CDC14B: variants seen among roughly 807,000 people sequenced by gnomAD.
The protein encoded by CDC14B is dual specificity protein phosphatase CDC14B.
CDC14B carries 22 observed loss-of-function variants against 64.2 expected under a neutral mutation model. The observed-to-expected ratio is 0.34, with a 90% CI of 0.24 to 0.49. The LOEUF (loss-of-function observed/expected upper bound fraction) is 0.49, where lower values mean the gene tolerates loss of function less well. CDC14B is among the 20% of genes least tolerant of loss of function. The pLI, the probability that CDC14B is intolerant of heterozygous loss-of-function variation, is 0.99. For missense variants in CDC14B, 498 were observed against 629.9 expected (o/e 0.79, Z 2.24); for synonymous variants, 191 against 215.8 (o/e 0.89, Z 1.01).
chr9:96,496,179 A>G (rs1833229573), downstream of CDC14B: 1 of 422,506 alleles, frequency 2.4e-6, no homozygotes, highest in Non-Finnish European at 4.8e-6. Flanking sequence ...ATGGCTCAAT[A>G]CCCAGTGGAA....
At chr9:96,506,099 T>C (rs1462148370) in intron 13 of CDC14B, among the ~76,000 whole-genome samples, 3 of 152,328 alleles carry the variant, frequency 2.0e-5, no homozygotes, top group East Asian at 1.9e-4. Context: ...CAAGTTCCCA[T>C]GTGCCGCAGA....
chr9:96,596,094 T>C (rs1846054138), intron 1 of CDC14B, among the ~76,000 whole-genome samples: 1 of 152,176 alleles, frequency 6.6e-6, no homozygotes, highest in Non-Finnish European at 1.5e-5. Context: ...CTGGGCATGA[T>C]GGCTCATACC....
downstream of CDC14B, among the ~76,000 whole-genome samples, chr9:96,498,973 G>T (rs1833365249): frequency 6.6e-6 from 1 of 152,214 alleles, no homozygotes; most frequent in African/African-American, 2.4e-5. Context: ...CCCCCCAGGA[G>T]GAACAGACAT....
chr9:96,524,886 A>G (rs1047473130), intron 9 of CDC14B, among the ~76,000 whole-genome samples: 1 of 152,174 alleles, frequency 6.6e-6, no homozygotes, highest in Non-Finnish European at 1.5e-5. Context: ...TTTCTGGAGA[A>G]CCCTAAATAC....
intron 1 of CDC14B, 92 bp from the exon 2 acceptor site, chr9:96,565,575 T>G (rs1564352407): frequency 1.2e-6 from 1 of 833,996 alleles, no homozygotes; most frequent in East Asian, 2.4e-5. Context: ...AAGTCAATTT[T>G]TCATTTTTTT....
At chr9:96,533,682 A>G (rs1838844172) in intron 9 of CDC14B, among the ~76,000 whole-genome samples, 1 of 152,228 alleles carries the variant, frequency 6.6e-6, no homozygotes, top group South Asian at 2.1e-4. Context: ...TGTATCCTAG[A>G]ATTATATAGG....
chr9:96,587,718 G>A (rs1179817120), intron 1 of CDC14B, among the ~76,000 whole-genome samples: 4 of 152,108 alleles, frequency 2.6e-5, no homozygotes, highest in South Asian at 4.1e-4. Flanking sequence ...TGGGAGAGGC[G>A]GCACCAAGGA....
intron 12 of CDC14B, among the ~76,000 whole-genome samples, chr9:96,519,137 A>G (rs1287103556): frequency 2.6e-5 from 4 of 152,142 alleles, no homozygotes; most frequent in African/African-American, 9.7e-5. Context: ...CTCTGTCTCA[A>G]AAATAAAAAT....
intron 1 of CDC14B, chr9:96,566,823 A>G: frequency 1.2e-6 from 2 of 1,604,508 alleles, no homozygotes; most frequent in Non-Finnish European, 1.7e-6. Context: ...TCATGACTCC[A>G]AAGCATCTGG....
intron 12 of CDC14B, among the ~76,000 whole-genome samples, chr9:96,512,586 AGT>A (rs1490772358): frequency 6.6e-6 from 1 of 152,058 alleles, no homozygotes; most frequent in Non-Finnish European, 1.5e-5. Flanking sequence ...GACCTTCCAA[AGT>A]GTTGGGATTT....
chr9:96,617,302 G>A (rs895577910), intron 1 of CDC14B, among the ~76,000 whole-genome samples: 1 of 151,794 alleles, frequency 6.6e-6, no homozygotes, highest in East Asian at 1.9e-4. Context: ...ACGAAGACTA[G>A]CCACATATTT....
At chr9:96,580,659 A>G (rs1588025826) in intron 1 of CDC14B, among the ~76,000 whole-genome samples, 1 of 152,322 alleles carries the variant, frequency 6.6e-6, no homozygotes, top group East Asian at 1.9e-4. Context: ...TCGACCCGAG[A>G]GAAATACTGG....
At chr9:96,566,796 C>G in intron 1 of CDC14B, 3 of 1,607,276 alleles carry the variant, frequency 1.9e-6, no homozygotes, top group Non-Finnish European at 2.5e-6. Context: ...CCAAAGCTGC[C>G]CCCGCGCCCT....
chr9:96,586,805 G>A (rs748607465), intron 1 of CDC14B, among the ~76,000 whole-genome samples: 1 of 152,052 alleles, frequency 6.6e-6, no homozygotes, highest in African/African-American at 2.4e-5. Flanking sequence ...GCCTAAGTTA[G>A]CTTTAATAGA....
intron 3 of CDC14B, among the ~76,000 whole-genome samples, chr9:96,564,259 C>T (rs1442277106): frequency 1.3e-5 from 2 of 152,142 alleles, no homozygotes; most frequent in Non-Finnish European, 2.9e-5. Context: ...CTCAGTAATA[C>T]AGCCTTAATG....
chr9:96,569,682 T>C (rs1487705625), intron 1 of CDC14B, among the ~76,000 whole-genome samples: 1 of 152,044 alleles, frequency 6.6e-6, no homozygotes, highest in Non-Finnish European at 1.5e-5. Flanking sequence ...TGGAGTGCAG[T>C]GGTGCAGTCT....
downstream of CDC14B, chr9:96,496,417 G>T (rs555626837): frequency 5.6e-5 from 26 of 462,586 alleles, no homozygotes; most frequent in African/African-American, 3.8e-4. Context: ...CCACCACAGG[G>T]CCTGTCTCAG....
chr9:96,583,379 A>ATTC (rs913554162), intron 1 of CDC14B, among the ~76,000 whole-genome samples: 1 of 140,504 alleles, frequency 7.1e-6, no homozygotes, highest in African/African-American at 2.7e-5. Context: ...ATTTATTATT[A>ATTC]TTATTATTAT....
intron 5 of CDC14B, among the ~76,000 whole-genome samples, chr9:96,551,340 T>A (rs1044320564): frequency 6.6e-6 from 1 of 152,010 alleles, no homozygotes; most frequent in Non-Finnish European, 1.5e-5. Context: ...GAGGCTGGTC[T>A]GGAACTCCTG....
Sources: allele counts gnomAD v4.1 joint callset (sites outside exome capture counted in the v4.1 genomes callset), GRCh38; gene constraint gnomAD v4.1.1; transcripts MANE v1.5; gene names NCBI Gene and HGNC (gene_info 2026-07-23, HGNC 2026-07-21).